Variants in ANKMY1 observed in about 807,000 individuals in gnomAD.
ANKMY1 encodes ankyrin repeat and MYND domain containing 1.
ANKMY1 carries 98 observed loss-of-function variants against 102.0 expected under a neutral mutation model. The observed-to-expected ratio is 0.96, with a 90% CI of 0.82 to 1.14. The LOEUF (loss-of-function observed/expected upper bound fraction) is 1.14, where lower values mean the gene tolerates loss of function less well. ANKMY1 is among the 50% of genes most tolerant of loss of function. The probability of loss-of-function intolerance (pLI) is 0.00; values close to 1 mark genes in which losing one functional copy is unlikely to be tolerated. For missense variants in ANKMY1, 1,330 were observed against 1,347.6 expected (o/e 0.99, Z 0.20); for synonymous variants, 582 against 559.9 (o/e 1.04, Z -0.56).
chr2:240,500,201 C>A (rs1214978359), intron 14 of ANKMY1, 78 bp from the exon 15 acceptor site: 2 of 1,451,726 alleles, frequency 1.4e-6, no homozygotes, highest in East Asian at 2.5e-5. Context: ...TGATCGAGGG[C>A]TCCTGTCAGC....
chr2:240,483,418 A>G (rs968522794), intron 15 of ANKMY1, among the ~76,000 whole-genome samples: 7 of 152,070 alleles, frequency 4.6e-5, no homozygotes, highest in Admixed American at 3.9e-4. Context: ...CGGCCTCCCA[A>G]AGTTCTGGGA....
chr2:240,498,521 G>A (rs2077593240), intron 15 of ANKMY1, among the ~76,000 whole-genome samples: 1 of 100,130 alleles, frequency 1.0e-5, no homozygotes, highest in African/African-American at 3.5e-5. Flanking sequence ...TGGGGGTGGA[G>A]CTGAGGGGGT....
rs1263352153 is a variant in ANKMY1 at position 240,524,232 on chromosome 2, T to C, written c.1485A>G (p.Ser495=). The C allele has an allele frequency of 2.5e-6, 4 of 1,613,828 alleles. No homozygotes were observed. Among genetic ancestry groups the C allele is most frequent in the Non-Finnish European group, 3.4e-6 (4 of 1,180,032 alleles). The change falls in exon 8 of 18, where the codon TCA becomes TCG. Residue 495 remains serine (S), a synonymous_variant. Transcript: ENST00000401804. The part of the protein sequence containing the change: ...PPAPLLLPRV[S]GSHEGGHFQD... ...GGAAGTGGCCGCCCTCGTGGCTGCC[T>C]GAGACGCGTGGCAGGAGCAGTGGTG...
At chr2:240,495,468 A>C (rs999384664) in intron 15 of ANKMY1, among the ~76,000 whole-genome samples, 2 of 152,202 alleles carry the variant, frequency 1.3e-5, no homozygotes, top group African/African-American at 2.4e-5. Flanking sequence ...AATTACTGAA[A>C]GTATTAAAAG....
At chr2:240,551,314 T>C (rs1324007987) in intron 4 of ANKMY1, among the ~76,000 whole-genome samples, 2 of 152,244 alleles carry the variant, frequency 1.3e-5, no homozygotes. Flanking sequence ...TCTGCCTAAT[T>C]TCTCCAGAAT....
rs771023153 is a variant in ANKMY1, at chr2:240,499,628, C to A, written c.2806+330G>T. 1.3e-5 allele frequency among the ~76,000 whole-genome samples: 2 copies of A among 151,988 alleles called. No homozygotes were observed. Among genetic ancestry groups the A allele is most frequent in the Non-Finnish European group, 2.9e-5 (2 of 67,952 alleles). ...GCACCCCAGGCCTCGGGCCCACAGT[C>A]CCTGTGCCGGATAGACTGGCACTCC... On this transcript the variant is annotated intron_variant, in intron 15 of 17. Coordinates refer to ENST00000401804, the MANE Select transcript of ANKMY1 (RefSeq NM_001282771.3). The surrounding 1 kb of genome is among the most constrained non-coding windows in gnomAD (Gnocchi z 4.2).
In ANKMY1 at chr2:240,505,986, T is replaced by C. The variant is rs559613511; in HGVS notation, c.2526+1574A>G. ...AAATATCCAGTGGAAGCAGACAGCA[T>C]GGTTAGGGTTGGCAGCACTACCAGG... is the stretch of plus-strand genomic sequence containing the variant. On this transcript the variant is annotated intron_variant, in intron 13 of 17. Transcript: ENST00000401804. Among the ~76,000 whole-genome samples, 7 of 152,238 alleles carry C rather than the reference T, an allele frequency of 4.6e-5. 2 individuals carry two copies. Among genetic ancestry groups the C allele is most frequent in the Admixed American group, 4.6e-4 (7 of 15,308 alleles).
At chr2:240,545,268 C>T (rs1011283180) in intron 4 of ANKMY1, among the ~76,000 whole-genome samples, 15 of 152,076 alleles carry the variant, frequency 9.9e-5, no homozygotes, top group African/African-American at 3.4e-4. Flanking sequence ...CTCACAGGGC[C>T]GGGTACTCCA....
chr2:240,500,336 G>A (rs2077966439), intron 14 of ANKMY1, 116 bp downstream of exon 14: 1 of 1,244,100 alleles, frequency 8.0e-7, no homozygotes, highest in Non-Finnish European at 1.1e-6. Flanking sequence ...GCTGCTCTGG[G>A]GGCGGCGCTA....
chr2:240,481,511 G>C (rs2075387371), intron 16 of ANKMY1, among the ~76,000 whole-genome samples: 1 of 152,118 alleles, frequency 6.6e-6, no homozygotes, highest in Admixed American at 6.5e-5. Flanking sequence ...TGCCTTTGGG[G>C]TGAAACTCTA....
intron 1 of ANKMY1, 95 bp from the exon 2 acceptor site, chr2:240,557,447 G>A: frequency 4.4e-6 from 6 of 1,376,172 alleles, no homozygotes; most frequent in Non-Finnish European, 5.7e-6. Context: ...CTGAGCCTCA[G>A]AGAACCCAAG....
At chr2:240,560,493 C>G, upstream of ANKMY1, 1 of 859,330 alleles carries the variant, frequency 1.2e-6, no homozygotes, top group East Asian at 3.4e-5. Context: ...CCGGCCCCAA[C>G]GAGACCCAAG....
intron 4 of ANKMY1, among the ~76,000 whole-genome samples, chr2:240,551,422 G>A (rs1477744053): frequency 6.6e-6 from 1 of 152,138 alleles, no homozygotes; most frequent in Non-Finnish European, 1.5e-5. Flanking sequence ...ACACAGCTGG[G>A]GGAACTGGTT....
At chr2:240,480,876 C>A in intron 17 of ANKMY1, 61 bp downstream of exon 17, 1 of 1,566,112 alleles carries the variant, frequency 6.4e-7, no homozygotes, top group Non-Finnish European at 8.7e-7. Flanking sequence ...GCACCCCAGG[C>A]CTGCGCCTTC....
rs561657764 is a variant in ANKMY1 at position 240,515,355 on chromosome 2, T to G, written c.2005-2413A>C. ...TTCAAGACCAGCCTGGCCAACATGG[T>G]GAAACCTCGCCTCTACTAAAAATAC... On this transcript the variant is annotated intron_variant, in intron 9 of 17. Transcript: ENST00000401804. Among the ~76,000 whole-genome samples the G allele has an allele frequency of 2.0e-5, 3 of 152,186 alleles. No homozygotes were observed. In the East Asian group the frequency reaches 5.8e-4, roughly 30 times the overall value.
the ANKMY1 span, among the ~76,000 whole-genome samples, chr2:240,469,110 G>A: frequency 1.3e-5 from 2 of 152,338 alleles, no homozygotes; most frequent in South Asian, 2.1e-4. Context: ...TGTAGTTGTG[G>A]ACAACGCATT....
Position 240,520,337 on chromosome 2 carries a change from G to A in ANKMY1, c.2004+25C>T, listed in dbSNP as rs140387603. ...CCCGGGAGTCTGCTGCGCTCGTCCC[G>A]GCGCCCGCCCGCCGCGGCTCCTACC... On this transcript the variant is annotated intron_variant, in intron 9 of 17. Coordinates refer to ENST00000401804, the MANE Select transcript of ANKMY1 (RefSeq NM_001282771.3). The surrounding 1 kb of genome is among the most constrained non-coding windows in gnomAD (Gnocchi z 4.8). The A allele has an allele frequency of 0.011, 17,249 of 1,515,070 alleles. 332 individuals are homozygous for A. Among genetic ancestry groups the A allele is most frequent in the South Asian group, 0.071 (5,748 of 80,588 alleles). 93.9% of individuals were successfully genotyped at this position (1,515,070 alleles called of 1,614,324 possible).
intron 11 of ANKMY1, among the ~76,000 whole-genome samples, chr2:240,510,667 A>G (rs1359228441): frequency 6.6e-6 from 1 of 152,050 alleles, no homozygotes; most frequent in Non-Finnish European, 1.5e-5. Context: ...AGGTGCCCAC[A>G]GAAGTCTGCT....
At position 240,529,099 on chromosome 2, in the gene ANKMY1, T is replaced by C. The variant is rs1223746771; in HGVS notation, c.891A>G (p.Pro297=). ...AAGGGGTCTCATTGATTATGAACCA[T>C]GGTTCTCCATCCTCAACGAACGGAG... ...EIPPFVEDGE[P]WFIINETPLL... The change falls in exon 5 of 18, where the codon CCA becomes CCG. Residue 297 remains proline (P), a synonymous_variant. Transcript: ENST00000401804. The surrounding 1 kb of genome is among the most constrained non-coding windows in gnomAD (Gnocchi z 4.2). 3 of 1,614,076 alleles carry C rather than the reference T, an allele frequency of 1.9e-6. No homozygotes were observed. Among genetic ancestry groups the C allele is most frequent in the East Asian group, 2.2e-5 (1 of 44,886 alleles).
Sources: allele counts gnomAD v4.1 joint callset (sites outside exome capture counted in the v4.1 genomes callset), GRCh38; gene constraint gnomAD v4.1.1; non-coding constraint Gnocchi (gnomAD v3.1); transcripts MANE v1.5; gene names NCBI Gene and HGNC (gene_info 2026-07-23, HGNC 2026-07-21).